The following OR10J1 variants were observed in gnomAD, a reference collection of about 807,000 sequenced individuals.
OR10J1 encodes the protein olfactory receptor 10J1.
For missense variants in OR10J1, 474 were observed against 376.6 expected (o/e 1.26, Z -2.14); for synonymous variants, 202 against 143.8 (o/e 1.40, Z -2.89).
chr1:159,417,924 G>A, the OR10J1 span, among the ~76,000 whole-genome samples: 1 of 152,170 alleles, frequency 6.6e-6, no homozygotes, highest in African/African-American at 2.4e-5. Context: ...GGGAACTGGA[G>A]TAAAGGTGAT....
chr1:159,412,274 A>G, the OR10J1 span, among the ~76,000 whole-genome samples: 7 of 151,782 alleles, frequency 4.6e-5, no homozygotes, highest in Non-Finnish European at 7.4e-5. Flanking sequence ...AAGGTAATTT[A>G]CAGATTCAAT....
At chr1:159,422,408 C>A in the OR10J1 span, among the ~76,000 whole-genome samples, 2 of 152,168 alleles carry the variant, frequency 1.3e-5, no homozygotes, top group African/African-American at 4.8e-5. Context: ...GTGCCTCAAC[C>A]TTGCACCAGC....
the OR10J1 span, among the ~76,000 whole-genome samples, chr1:159,420,307 T>C: frequency 6.6e-6 from 1 of 152,194 alleles, no homozygotes; most frequent in African/African-American, 2.4e-5. Context: ...GGAAGTTCAA[T>C]GTATTTACAT....
At chr1:159,429,235 G>A in the OR10J1 span, among the ~76,000 whole-genome samples, 1 of 152,242 alleles carries the variant, frequency 6.6e-6, no homozygotes, top group African/African-American at 2.4e-5. Flanking sequence ...TACAGGTGTA[G>A]TGTTCCCAGT....
chr1:159,432,368 A>G, the OR10J1 span: 1 of 402,156 alleles, frequency 2.5e-6, no homozygotes, highest in African/African-American at 2.1e-5. Context: ...TTAACCATCA[A>G]CTTCACACGC....
chr1:159,433,567 T>C (rs538326832), upstream of OR10J1, among the ~76,000 whole-genome samples: 40 of 152,194 alleles, frequency 2.6e-4, no homozygotes, highest in Non-Finnish European at 4.7e-4. Context: ...TGTCTGAAGA[T>C]GGGACCAACT....
chr1:159,412,197 G>C, the OR10J1 span, among the ~76,000 whole-genome samples: 2 of 151,868 alleles, frequency 1.3e-5, no homozygotes, highest in East Asian at 1.9e-4. Context: ...AGGATACAAA[G>C]AAATGGAAGA....
Position 159,439,967 on chromosome 1 carries a change from T to G in OR10J1, c.176T>G (p.Met59Arg), listed in dbSNP as rs35634161. 1 of 1,614,152 alleles carries G rather than the reference T, an allele frequency of 6.2e-7. No individual in the cohort carries two copies. The highest frequency in any genetic ancestry group is 1.1e-5 in the South Asian group (1 of 91,082). ...IRMDLHLHTP[M>R]YFFLSMLSTS... ...ATGGATCTTCATCTTCACACACCCA[T>G]GTACTTCTTCCTGAGCATGCTGTCC... The change falls in exon 1 of 1, where the codon ATG (methionine) becomes AGG (arginine). Residue 59 changes from methionine to arginine, a missense_variant. Transcript: ENST00000423932.
Position 159,439,938 on chromosome 1 carries a change from C to A in OR10J1, c.147C>A (p.Ile49=). The A allele has an allele frequency of 5.6e-6, 9 of 1,614,124 alleles. No homozygotes were observed. The highest frequency in any genetic ancestry group is 7.6e-6 in the Non-Finnish European group (9 of 1,180,008). ...LAGNIIIVTI[I]RMDLHLHTPM... is the part of the protein sequence containing the mutation. ...GCAATATCATCATTGTGACCATCAT[C>A]CGAATGGATCTTCATCTTCACACAC... The change falls in exon 1 of 1, where the codon ATC becomes ATA. Residue 49 remains isoleucine, a synonymous_variant. Transcript: ENST00000423932.
the OR10J1 span, among the ~76,000 whole-genome samples, chr1:159,404,645 A>G: frequency 1.3e-5 from 2 of 152,158 alleles, no homozygotes; most frequent in African/African-American, 4.8e-5. Context: ...GTACTATCCA[A>G]TGAAGACCAT....
At chr1:159,405,517 T>C in the OR10J1 span, 4 of 288,066 alleles carry the variant, frequency 1.4e-5, no homozygotes, top group African/African-American at 6.5e-5. Context: ...CATGACAGAG[T>C]TCAGCAGGGG....
the OR10J1 span, among the ~76,000 whole-genome samples, chr1:159,415,273 TA>T: frequency 6.6e-6 from 1 of 151,954 alleles, no homozygotes; most frequent in African/African-American, 2.4e-5. Flanking sequence ...AGCCCACTTT[TA>T]TTCTTCTGCA....
the OR10J1 span, among the ~76,000 whole-genome samples, chr1:159,422,651 T>G: frequency 6.6e-6 from 1 of 152,170 alleles, no homozygotes; most frequent in Non-Finnish European, 1.5e-5. Context: ...CTCAAAATGA[T>G]GCTGTATTGC....
the OR10J1 span, chr1:159,405,736 A>C: frequency 1.1e-6 from 1 of 870,622 alleles, no homozygotes; most frequent in African/African-American, 1.7e-5. Context: ...GATAAAGATC[A>C]GGGCAATATG....
In OR10J1 at chr1:159,440,291, C is replaced by T; in HGVS notation, c.500C>T (p.Pro167Leu). The change falls in exon 1 of 1, where the codon CCC (proline) becomes CTC (leucine). Residue 167 changes from proline (P) to leucine (L), a missense_variant. Transcript: ENST00000423932. ...CAAGTGACATCTGTATTCAGGTTAC[C>T]CTTCTGTGCTAGAAAGGTGCCCCAC... ...ITQVTSVFRL[P>L]FCARKVPHFF... 3 of 1,614,142 alleles carry T rather than the reference C, an allele frequency of 1.9e-6. No individual in the cohort carries two copies. Among genetic ancestry groups the T allele is most frequent in the Non-Finnish European group, 2.5e-6 (3 of 1,180,018 alleles).
At chr1:159,420,684 G>C in the OR10J1 span, among the ~76,000 whole-genome samples, 1 of 151,654 alleles carries the variant, frequency 6.6e-6, no homozygotes, top group Admixed American at 6.6e-5. Flanking sequence ...AAAATCCTTG[G>C]TTAGTAGGTT....
chr1:159,419,019 A>G, the OR10J1 span, among the ~76,000 whole-genome samples: 1 of 152,118 alleles, frequency 6.6e-6, no homozygotes, highest in Admixed American at 6.5e-5. Flanking sequence ...GAATGAGTGT[A>G]TTTACCCAAT....
At chr1:159,399,642 A>G in the OR10J1 span, among the ~76,000 whole-genome samples, 1 of 151,878 alleles carries the variant, frequency 6.6e-6, no homozygotes, top group African/African-American at 2.4e-5. Flanking sequence ...AAATAACATT[A>G]ATGAGCAATA....
At chr1:159,432,548 G>C in the OR10J1 span, 2 of 471,032 alleles carry the variant, frequency 4.2e-6, no homozygotes, top group East Asian at 6.3e-5. Flanking sequence ...AATGCTTCCT[G>C]CTCACAGCCA....
Sources: allele counts gnomAD v4.1 joint callset (sites outside exome capture counted in the v4.1 genomes callset), GRCh38; gene constraint gnomAD v4.1.1; transcripts MANE v1.5; gene names NCBI Gene and HGNC (gene_info 2026-07-23, HGNC 2026-07-21).